The following HECW1 variants were observed in gnomAD, a reference collection of about 807,000 sequenced individuals.
HECW1 encodes HECT, C2 and WW domain containing E3 ubiquitin protein ligase 1.
In HECW1, 61 loss-of-function variants were observed where a neutral mutation model predicts 182.3. The observed-to-expected ratio is 0.33, with a 90% confidence interval of 0.27 to 0.41. The LOEUF (loss-of-function observed/expected upper bound fraction) is 0.41, where lower values mean the gene tolerates loss of function less well. Ranked by LOEUF, HECW1 falls within the 10% of genes least tolerant of loss-of-function variation. HECW1 has a pLI of 1.00. For synonymous variants in HECW1, 859 were observed against 832.6 expected (o/e 1.03, Z -0.55); for missense variants, 1,739 against 2,108.9 (o/e 0.82, Z 3.44).
chr7:43,324,638 A>G (rs559910321), intron 5 of HECW1, among the ~76,000 whole-genome samples: 2 of 152,328 alleles, frequency 1.3e-5, no homozygotes, highest in South Asian at 4.1e-4. Flanking sequence ...AACTAAAAAT[A>G]AGACTCTTTG....
At chr7:43,497,131 A>G (rs2079150690) in intron 19 of HECW1, among the ~76,000 whole-genome samples, 1 of 152,224 alleles carries the variant, frequency 6.6e-6, no homozygotes, top group Non-Finnish European at 1.5e-5. Context: ...CATCCTAAAC[A>G]GAACACAGGG....
intron 10 of HECW1, among the ~76,000 whole-genome samples, chr7:43,443,921 T>TA (rs1255229290): frequency 6.6e-6 from 1 of 152,248 alleles, no homozygotes; most frequent in Non-Finnish European, 1.5e-5. Context: ...GAGCACCTAC[T>TA]ATGTGCCCAG....
At chr7:43,452,449 A>G (rs150407648) in intron 12 of HECW1, among the ~76,000 whole-genome samples, 5 of 152,384 alleles carry the variant, frequency 3.3e-5, no homozygotes, top group Admixed American at 3.3e-4. Flanking sequence ...TTCTATCCAT[A>G]TAACAGTGAA....
At chr7:43,175,220 A>G (rs1792105362) in intron 2 of HECW1, among the ~76,000 whole-genome samples, 1 of 152,166 alleles carries the variant, frequency 6.6e-6, no homozygotes. Context: ...GGCTAAATCA[A>G]GCTGATTAAC....
chr7:43,444,975 C>G lies in HECW1; in HGVS notation c.1803C>G (p.Ser601Arg), dbSNP rs369433003. The G allele has an allele frequency of 2.4e-5, 38 of 1,562,570 alleles. No individual in the cohort carries two copies. The highest frequency in any genetic ancestry group is 2.1e-5 in the Non-Finnish European group (24 of 1,153,018). Residue 601 changes from serine to arginine, a missense_variant, in exon 11 of 30, where the codon AGC (serine) becomes AGG (arginine). Physicochemically the swap from Ser to Arg is moderately radical, Grantham distance 110. Around this residue, in one of 5 missense-constraint regions of HECW1, gnomAD observed 971 missense variants for 1,029.1 expected, o/e 0.94. Transcript: ENST00000395891. This position sits in a 1 kb window ranked among gnomAD's most constrained non-coding sequence, Gnocchi z 4.3. Reference protein sequence around the residue: ...LKDSSEKDGLSEVDTVAADPS... With the variant: ...LKDSSEKDGLREVDTVAADPS... ...ACTCCTCGGAGAAGGATGGGCTCAG[C>G]GAGGTGGACACGGTGGCCGCTGACC...
At chr7:43,195,387 C>T (rs1477521324) in intron 2 of HECW1, among the ~76,000 whole-genome samples, 2 of 152,200 alleles carry the variant, frequency 1.3e-5, no homozygotes, top group Non-Finnish European at 2.9e-5. Context: ...AAGGCATCTC[C>T]TGGGGGCCAG....
rs1554440558 is a variant in HECW1 at position 43,488,448 on chromosome 7, G to GAAAGAAAGAAAGA, written c.3235-3624_3235-3612dup. The stretch of plus-strand genomic sequence containing the variant: ...AAAGAAAGAAAGAGAAAGAAAGAAA[G>GAAAGAAAGAAAGA]AAAGAAAGAAAGAAAGAAAGAAAGA... On this transcript the variant is annotated intron_variant, in intron 17 of 29. Transcript: ENST00000395891. 1.1e-3 allele frequency among the ~76,000 whole-genome samples: 146 copies of GAAAGAAAGAAAGA among 134,982 alleles called. No homozygotes were observed. In the Middle Eastern group the frequency reaches 0.018, roughly 17 times the overall value. 88.6% of individuals were successfully genotyped at this position (134,982 alleles called of 152,430 possible).
chr7:43,360,087 T>C (rs1815672275), intron 5 of HECW1, among the ~76,000 whole-genome samples: 1 of 152,190 alleles, frequency 6.6e-6, no homozygotes, highest in Non-Finnish European at 1.5e-5. Flanking sequence ...TCTTATGAAG[T>C]CCTATTTTAA....
At chr7:43,126,631 T>C (rs888320883) in intron 2 of HECW1, among the ~76,000 whole-genome samples, 1 of 152,228 alleles carries the variant, frequency 6.6e-6, no homozygotes, top group African/African-American at 2.4e-5. Context: ...TGCACTTCCA[T>C]AGATACTGCA....
chr7:43,460,862 A>T (rs2077560289), intron 13 of HECW1, among the ~76,000 whole-genome samples: 1 of 152,210 alleles, frequency 6.6e-6, no homozygotes, highest in African/African-American at 2.4e-5. Context: ...GGTCAAATGC[A>T]GGATTTGAGG....
chr7:43,129,830 G>A (rs950576370), intron 2 of HECW1, among the ~76,000 whole-genome samples: 1 of 152,110 alleles, frequency 6.6e-6, no homozygotes, highest in Admixed American at 6.6e-5. Flanking sequence ...CTGCCCATAA[G>A]CTACATACAT....
In HECW1 at chr7:43,466,477, T is replaced by C. The variant is rs1309140578; in HGVS notation, c.2822T>C (p.Val941Ala). 6.2e-7 allele frequency: 1 copy of C among 1,613,790 alleles called. No homozygotes were observed. The highest frequency in any genetic ancestry group is 1.7e-5 in the Admixed American group (1 of 60,006). The change falls in exon 15 of 30, where the codon GTG becomes GCG. Residue 941 changes from valine to alanine, a missense_variant. Transcript: ENST00000395891. ...DLRREGSLSP[V>A]NSQKITLLLQ... ...AGGAGAGAAGGGTCACTTTCTCCAG[T>C]GAACTCACAAAAAATCACCTTGCTG... is the stretch of plus-strand genomic sequence containing the variant.
intron 2 of HECW1, chr7:43,241,107 G>C (rs1798834632): frequency 6.6e-6 from 1 of 152,216 alleles, no homozygotes; most frequent in Non-Finnish European, 1.5e-5. Context: ...GCCATTTCCT[G>C]GGGATTTCCT....
rs114774767 is a variant in HECW1, at chr7:43,334,476, G to T, written c.460+13734G>T. 2.5e-3 allele frequency among the ~76,000 whole-genome samples: 383 copies of T among 152,124 alleles called. 1 individual carries two copies. Among genetic ancestry groups the T allele is most frequent in the African/African-American group, 8.4e-3 (347 of 41,498 alleles). On this transcript the variant is annotated intron_variant, in intron 5 of 29. Transcript: ENST00000395891. ...GGTACCTAAGAATATTGAAAAATCC[G>T]CCAACACCCACAAAATTTAGACACA...
At chr7:43,144,164 G>A (rs1458615625) in intron 2 of HECW1, among the ~76,000 whole-genome samples, 5 of 152,164 alleles carry the variant, frequency 3.3e-5, no homozygotes, top group African/African-American at 9.7e-5. Flanking sequence ...TGTTCATCAG[G>A]TATTTTATAG....
intron 2 of HECW1, among the ~76,000 whole-genome samples, chr7:43,138,781 A>G (rs576577551): frequency 1.1e-4 from 16 of 152,316 alleles, no homozygotes; most frequent in African/African-American, 3.4e-4. Context: ...TTAGGATGAA[A>G]ATAGAGCTTA....
chr7:43,288,672 T>C (rs1804984396), intron 3 of HECW1, among the ~76,000 whole-genome samples: 1 of 152,218 alleles, frequency 6.6e-6, no homozygotes. Flanking sequence ...ATGTGATAGC[T>C]GATAAAGCCT....
intron 13 of HECW1, among the ~76,000 whole-genome samples, chr7:43,460,106 G>C (rs1371878607): frequency 6.6e-6 from 1 of 152,180 alleles, no homozygotes; most frequent in East Asian, 1.9e-4. Flanking sequence ...ACAAGGGCCT[G>C]CTAAATACTA....
chr7:43,222,779 C>G (rs1797095370), intron 2 of HECW1, among the ~76,000 whole-genome samples: 1 of 152,148 alleles, frequency 6.6e-6, no homozygotes. Context: ...CCTTTGCAGG[C>G]TCCTCCTTTC....
Sources: gnomAD v4.1 joint callset for allele counts (sites outside exome capture counted in the v4.1 genomes callset) on GRCh38, gnomAD v4.1.1 for gene constraint, gnomAD v4.1.1 regional missense constraint, Gnocchi (gnomAD v3.1) non-coding constraint, MANE v1.5 for transcripts, NCBI Gene and HGNC (gene_info 2026-07-23, HGNC 2026-07-21) for gene names.